Variants in KCNIP1 observed in about 807,000 individuals in gnomAD.
KCNIP1 encodes potassium voltage-gated channel interacting protein 1.
A neutral mutation model predicts 33.0 loss-of-function variants in KCNIP1; 18 were observed. That is an observed-to-expected ratio of 0.55 (90% CI 0.38 to 0.81). The LOEUF is 0.81. KCNIP1 is among the 30% of genes least tolerant of loss of function. KCNIP1 has a pLI of 0.00. For synonymous variants in KCNIP1, 93 were observed against 98.3 expected (o/e 0.95, Z 0.32); for missense variants, 238 against 271.6 (o/e 0.88, Z 0.87).
intron 1 of KCNIP1, among the ~76,000 whole-genome samples, chr5:170,583,908 A>G (rs2113526009): frequency 6.6e-6 from 1 of 152,306 alleles, no homozygotes; most frequent in East Asian, 1.9e-4. Flanking sequence ...TGATACTTTG[A>G]TACCAGCATG....
chr5:170,729,369 C>T (rs1581554962), intron 5 of KCNIP1, among the ~76,000 whole-genome samples: 1 of 151,984 alleles, frequency 6.6e-6, no homozygotes, highest in Non-Finnish European at 1.5e-5. Flanking sequence ...GATTGATATT[C>T]CTCAGTAGAC....
At chr5:170,726,875 C>T (rs1764025686) in intron 5 of KCNIP1, among the ~76,000 whole-genome samples, 2 of 151,784 alleles carry the variant, frequency 1.3e-5, no homozygotes, top group Admixed American at 1.3e-4. Context: ...TGCACCACTG[C>T]ACTCCAGCCT....
chr5:170,570,323 C>T (rs776570801), intron 1 of KCNIP1, among the ~76,000 whole-genome samples: 2 of 152,188 alleles, frequency 1.3e-5, no homozygotes, highest in Non-Finnish European at 2.9e-5. Flanking sequence ...TCATCTTAAT[C>T]ATTACTGGCA....
intron 1 of KCNIP1, among the ~76,000 whole-genome samples, chr5:170,699,556 GAAAAAAA>G (rs35103942): frequency 1.1e-4 from 12 of 111,966 alleles, no homozygotes; most frequent in South Asian, 2.6e-4. Flanking sequence ...ATTGCTCTGT[GAAAAAAA>G]AAAAAAAAAA....
rs1472256853 is a variant in KCNIP1 at position 170,703,729 on chromosome 5, A to G, written c.62-15029A>G. The stretch of plus-strand genomic sequence containing the variant: ...AAGTTACCCGCTAAATTAGCCAAAT[A>G]CTTTCCAGATATTCCCTGGGCCACT... On this transcript the variant is annotated intron_variant, in intron 1 of 7. Transcript: ENST00000328939. Among the ~76,000 whole-genome samples, 7 of 138,114 alleles carry G rather than the reference A, an allele frequency of 5.1e-5. 2 individuals carry two copies. The allele number at this position is 138,114 out of a possible 152,430, so 90.6% of individuals were successfully genotyped here.
At chr5:170,556,300 C>T (rs1249135520) in intron 1 of KCNIP1, among the ~76,000 whole-genome samples, 1 of 152,168 alleles carries the variant, frequency 6.6e-6, no homozygotes, top group Non-Finnish European at 1.5e-5. Flanking sequence ...GGTTGTGTTC[C>T]AGGGGTTCCC....
chr5:170,657,116 C>G (rs1291660945), intron 1 of KCNIP1, among the ~76,000 whole-genome samples: 1 of 151,686 alleles, frequency 6.6e-6, no homozygotes, highest in Non-Finnish European at 1.5e-5. Context: ...CTGCCTCAGC[C>G]TCCTGAGTAG....
intron 1 of KCNIP1, among the ~76,000 whole-genome samples, chr5:170,404,607 C>A (rs1040148516): frequency 6.6e-6 from 1 of 152,136 alleles, no homozygotes; most frequent in Non-Finnish European, 1.5e-5. Context: ...CGAGCCTGTT[C>A]TCATGGTGAC....
At chr5:170,427,853 C>T (rs1032855651) in intron 1 of KCNIP1, among the ~76,000 whole-genome samples, 1 of 152,226 alleles carries the variant, frequency 6.6e-6, no homozygotes, top group Non-Finnish European at 1.5e-5. Flanking sequence ...GCATCTGAGT[C>T]CAACCCCCAA....
rs146215680 is a variant in KCNIP1 at position 170,390,518 on chromosome 5, ATAT to A, written c.88+36555_88+36557del. ...ACCCCGTCTCAAAAAAAAAAAACAA[ATAT>A]ATATATATATATATATATTTTCAAC... On this transcript the variant is annotated intron_variant, in intron 1 of 7. Coordinates refer to the KCNIP1 transcript ENST00000377360. 1.2e-3 allele frequency among the ~76,000 whole-genome samples: 103 copies of A among 84,016 alleles called. 7 individuals are homozygous for A. The highest frequency in any genetic ancestry group is 2.8e-3 in the African/African-American group (56 of 20,358). The allele number at this position is 84,016 out of a possible 152,430, so 55.1% of individuals were successfully genotyped here. A position where few individuals can be genotyped will look rare whatever the true frequency, so the allele number is the denominator to read the frequency against.
At chr5:170,446,842 A>G (rs994223109) in intron 1 of KCNIP1, among the ~76,000 whole-genome samples, 2 of 152,160 alleles carry the variant, frequency 1.3e-5, no homozygotes, top group Non-Finnish European at 2.9e-5. Flanking sequence ...TAAATGGCTT[A>G]ACTGGGCCCT....
At chr5:170,561,234 CT>C (rs1246545571) in intron 1 of KCNIP1, 5 of 405,152 alleles carry the variant, frequency 1.2e-5, no homozygotes, top group Non-Finnish European at 2.5e-5. Flanking sequence ...AGTCCCCGCT[CT>C]GCTTGGCTGG....
chr5:170,431,438 G>A (rs926133929), intron 1 of KCNIP1, among the ~76,000 whole-genome samples: 1 of 152,196 alleles, frequency 6.6e-6, no homozygotes, highest in African/African-American at 2.4e-5. Flanking sequence ...AGAATCTGGG[G>A]GATTTTAGGT....
chr5:170,578,554 G>A (rs1433606599), intron 1 of KCNIP1, among the ~76,000 whole-genome samples: 4 of 152,192 alleles, frequency 2.6e-5, no homozygotes, highest in Non-Finnish European at 4.4e-5. Flanking sequence ...TCAGGGATGA[G>A]ATCCGTGGAG....
At chr5:170,662,044 C>T (rs75125402) in intron 1 of KCNIP1, among the ~76,000 whole-genome samples, 1 of 152,180 alleles carries the variant, frequency 6.6e-6, no homozygotes, top group African/African-American at 2.4e-5. Flanking sequence ...GACACCAATC[C>T]ACTACCAAAT....
intron 1 of KCNIP1, chr5:170,383,676 T>C: frequency 6.2e-7 from 1 of 1,614,114 alleles, no homozygotes; most frequent in Non-Finnish European, 8.5e-7. Flanking sequence ...TCCAGTTCAG[T>C]ACCTGCTGGT....
chr5:170,523,729 A>C (rs1755458069), intron 1 of KCNIP1, among the ~76,000 whole-genome samples: 1 of 152,110 alleles, frequency 6.6e-6, no homozygotes, highest in Non-Finnish European at 1.5e-5. Context: ...GTGTCTTTCC[A>C]GCCAGGCATC....
intron 1 of KCNIP1, among the ~76,000 whole-genome samples, chr5:170,405,463 C>T (rs1430094042): frequency 6.6e-6 from 1 of 152,206 alleles, no homozygotes; most frequent in Non-Finnish European, 1.5e-5. Context: ...CTTGGCCTCC[C>T]AAAGTGCTGG....
At chr5:170,700,667 C>G (rs1763062215) in intron 1 of KCNIP1, among the ~76,000 whole-genome samples, 1 of 152,232 alleles carries the variant, frequency 6.6e-6, no homozygotes, top group Admixed American at 6.5e-5. Flanking sequence ...TTTATAAGCA[C>G]TGGCTCTGGA....
Sources: gnomAD v4.1 joint callset for allele counts (sites outside exome capture counted in the v4.1 genomes callset) on GRCh38, gnomAD v4.1.1 for gene constraint, MANE v1.5 for transcripts, NCBI Gene and HGNC (gene_info 2026-07-23, HGNC 2026-07-21) for gene names.